Variants in ABCA3 observed in about 807,000 individuals in gnomAD.
The protein encoded by ABCA3 is ATP binding cassette subfamily A member 3.
ABCA3 carries 88 observed loss-of-function variants against 172.8 expected under a neutral mutation model. The ratio of observed to expected loss-of-function variants is 0.51; its 90% CI spans 0.43 to 0.61. The LOEUF (loss-of-function observed/expected upper bound fraction) is 0.61, where lower values mean the gene tolerates loss of function less well. Ranked by LOEUF, ABCA3 falls within the 20% of genes least tolerant of loss-of-function variation. ABCA3 has a pLI of 0.00. For synonymous variants in ABCA3, 1,066 were observed against 983.8 expected, an observed-to-expected ratio of 1.08 and a Z score of -1.56; for missense variants, 2,164 against 2,301.0, an observed-to-expected ratio of 0.94 and a Z score of 1.22.
In ABCA3 at chr16:2,326,061, C is replaced by T; in HGVS notation, c.268G>A (p.Ala90Thr). ...CGCACTGTCTCAGTGACGGTCTTGG[C>T]AGCGTCACTGTGAGAAGGGATGTAG... ...LAYIPSHSDA[A>T]KTVTETVRRA... Residue 90 changes from alanine (A) to threonine (T), a missense_variant, in exon 5 of 33, where the codon GCC becomes ACC. This residue lies in a region of ABCA3 where 1,343 missense variants were observed against 1,369.6 expected (regional missense o/e 0.98). Transcript: ENST00000301732. The T allele has an allele frequency of 1.9e-6, 3 of 1,614,074 alleles. No individual in the cohort carries two copies. Among genetic ancestry groups the T allele is most frequent in the Non-Finnish European group, 2.5e-6 (3 of 1,180,038 alleles).
intron 9 of ABCA3, 56 bp downstream of exon 9, chr16:2,317,592 C>T (rs1371356605): frequency 6.3e-7 from 1 of 1,597,922 alleles, no homozygotes; most frequent in Non-Finnish European, 8.6e-7. Flanking sequence ...GAGGGCCCTC[C>T]TGGGGTGCCC....
chr16:2,278,715 C>T lies in ABCA3; in HGVS notation c.4547+228G>A, dbSNP rs1444608593. ...CTGCCTGCACCTAAAGGGGACCTGC[C>T]GACCCTGACATCTCTCACTGCTGGC... On this transcript the variant is annotated intron_variant, in intron 29 of 32. Transcript: ENST00000301732. The surrounding 1 kb of genome is among the most constrained non-coding windows in gnomAD (Gnocchi z 4.4). Among the ~76,000 whole-genome samples the T allele has an allele frequency of 3.9e-5, 6 of 152,208 alleles. No individual in the cohort carries two copies. Among genetic ancestry groups the T allele is most frequent in the South Asian group, 2.1e-4 (1 of 4,838 alleles).
Position 2,276,691 on chromosome 16 carries a change from C to G in ABCA3, c.5098G>C (p.Ala1700Pro). Residue 1700 changes from alanine (A) to proline (P), a missense_variant, in exon 33 of 33, where the codon GCA (alanine) becomes CCA (proline). Ala to Pro is a conservative substitution (Grantham distance 27, BLOSUM62 -1). Around this residue, in one of 3 missense-constraint regions of ABCA3, gnomAD observed 795 missense variants for 881.9 expected, o/e 0.90. Coordinates refer to ENST00000301732, the MANE Select transcript of ABCA3 (RefSeq NM_001089.3). ...GCCACCCCTCATCGCCCCTCCTCTG[C>G]GGTGGGCGGCTGCAGGTGGGCGAAG... ...LSFAHLQPPT[A>P]EEGR The G allele has an allele frequency of 6.2e-7, 1 of 1,613,472 alleles. No individual in the cohort carries two copies. Among genetic ancestry groups the G allele is most frequent in the Non-Finnish European group, 8.5e-7 (1 of 1,180,042 alleles).
At position 2,297,907 on chromosome 16, in the gene ABCA3, T is replaced by A; in HGVS notation, c.1911A>T (p.Ser637=). 6.2e-7 allele frequency: 1 copy of A among 1,613,704 alleles called. No individual in the cohort carries two copies. Among genetic ancestry groups the A allele is most frequent in the East Asian group, 2.2e-5 (1 of 44,844 alleles). ...TGACTTCTTCAGGGCACTTCTGACG[T>A]GACAGGCCCTTCAGCTGCAACGACA... ...LYFYAQLKGL[S]RQKCPEEVKQ... is the part of the protein sequence containing the mutation. Residue 637 remains serine (S), a synonymous_variant, in exon 16 of 33, where the codon TCA becomes TCT. Coordinates refer to ENST00000301732, the MANE Select transcript of ABCA3 (RefSeq NM_001089.3). This position sits in a 1 kb window ranked among gnomAD's most constrained non-coding sequence, Gnocchi z 5.6.
At chr16:2,333,589 C>G (rs1269513125) in intron 1 of ABCA3, among the ~76,000 whole-genome samples, 1 of 151,356 alleles carries the variant, frequency 6.6e-6, no homozygotes, top group Non-Finnish European at 1.5e-5. Flanking sequence ...TTAGGGTATA[C>G]AAGACAAAAA....
intron 10 of ABCA3, among the ~76,000 whole-genome samples, chr16:2,310,448 C>T (rs958349061): frequency 2.0e-5 from 3 of 151,180 alleles, no homozygotes; most frequent in South Asian, 4.2e-4. Context: ...ACAAACAAAA[C>T]ACCCACACAC....
At chr16:2,280,904 G>T (rs1304505345) in intron 28 of ABCA3, 123 bp downstream of exon 28, 4 of 1,289,318 alleles carry the variant, frequency 3.1e-6, no homozygotes, top group Non-Finnish European at 4.4e-6. Context: ...GCATGTGCTG[G>T]GCCCATTTCA....
At chr16:2,282,335 G>A (rs2093656428) in intron 26 of ABCA3, among the ~76,000 whole-genome samples, 1 of 152,154 alleles carries the variant, frequency 6.6e-6, no homozygotes, top group African/African-American at 2.4e-5. Flanking sequence ...CTGGCTTCAG[G>A]TGATCCACCT....
In ABCA3 at chr16:2,283,477, A is replaced by C; in HGVS notation, c.3863-119T>G. 15 of 1,158,058 alleles carry C rather than the reference A, an allele frequency of 1.3e-5. No homozygotes were observed. Among genetic ancestry groups the C allele is most frequent in the African/African-American group, 3.1e-5 (2 of 64,746 alleles). 71.7% of individuals were successfully genotyped at this position (1,158,058 alleles called of 1,614,324 possible). On this transcript the variant is annotated intron_variant, in intron 25 of 32. Coordinates refer to ENST00000301732, the MANE Select transcript of ABCA3 (RefSeq NM_001089.3). This position sits in a 1 kb window ranked among gnomAD's most constrained non-coding sequence, Gnocchi z 5.4. Reference sequence around the variant, plus strand: ...AGGCGCCTGTAACAATGTCCCCTCCATGGGGAGATGTGAAGGCCAGTAGGT... The same window carrying C: ...AGGCGCCTGTAACAATGTCCCCTCCCTGGGGAGATGTGAAGGCCAGTAGGT...
rs1263339711 is a variant in ABCA3, at chr16:2,295,670, G to C, written c.2334C>G (p.His778Gln). The change falls in exon 18 of 33, where the codon CAC (histidine) becomes CAG (glutamine). Residue 778 changes from histidine (H) to glutamine (Q), a missense_variant. This residue lies in a region of ABCA3 where 1,343 missense variants were observed against 1,369.6 expected (regional missense o/e 0.98). Transcript: ENST00000301732. ...CCAGCGTGGCGTTGGGCACGTGGTGGTGGACCAGCTGGGAGATGTCTTCCG... is the reference window on the plus strand; with the variant it reads ...CCAGCGTGGCGTTGGGCACGTGGTGCTGGACCAGCTGGGAGATGTCTTCCG... Reference protein sequence around the residue: ...CNPEDISQLVHHHVPNATLES... With the variant: ...CNPEDISQLVQHHVPNATLES... 2 of 1,614,078 alleles carry C rather than the reference G, an allele frequency of 1.2e-6. No individual in the cohort carries two copies. Among genetic ancestry groups the C allele is most frequent in the African/African-American group, 1.3e-5 (1 of 75,076 alleles).
In ABCA3 at chr16:2,317,629, C is replaced by T. The variant is rs2141730292; in HGVS notation, c.990+19G>A. Reference sequence around the variant, plus strand: ...GGCTCTCCCCGTCCTCACCAGAGCCCCACCGACGCCATGCTCACCTTGACA... The same window carrying T: ...GGCTCTCCCCGTCCTCACCAGAGCCTCACCGACGCCATGCTCACCTTGACA... On this transcript the variant is annotated intron_variant, in intron 9 of 32. Transcript: ENST00000301732. 18 of 1,613,588 alleles carry T rather than the reference C, an allele frequency of 1.1e-5. No homozygotes were observed. The highest frequency in any genetic ancestry group is 1.5e-5 in the Non-Finnish European group (18 of 1,179,520).
rs1200535180 is a variant in ABCA3 at position 2,340,619 on chromosome 16, C to G, written c.-585G>C. 1.3e-5 allele frequency: 2 copies of G among 149,370 alleles called. No homozygotes were observed. Among genetic ancestry groups the G allele is most frequent in the African/African-American group, 4.9e-5 (2 of 41,166 alleles). The allele number at this position is 149,370 out of a possible 1,614,324, so 9.3% of individuals were successfully genotyped here. A position where few individuals can be genotyped will look rare whatever the true frequency, so the allele number is the denominator to read the frequency against. ...CGGCGGCCGGCGCGCGGCCCTCTCG[C>G]GGGGTCCCCTCCCTCGGCCACCCGG... On this transcript the variant is annotated 5_prime_UTR_variant, in exon 1 of 33. Transcript: ENST00000301732.
intron 12 of ABCA3, among the ~76,000 whole-genome samples, chr16:2,301,034 TC>T (rs1255559568): frequency 6.7e-6 from 1 of 149,130 alleles, no homozygotes; most frequent in Admixed American, 6.6e-5. Flanking sequence ...ATCGAGACCA[TC>T]CTGGCTAACA....
chr16:2,300,408 G>A (rs17135866), intron 12 of ABCA3, among the ~76,000 whole-genome samples: 14 of 151,968 alleles, frequency 9.2e-5, no homozygotes, highest in Admixed American at 3.3e-4. Context: ...ACTCAGATCC[G>A]ATACAGGGCA....
chr16:2,287,898 C>T lies in ABCA3; in HGVS notation c.3004+128G>A. ...AAGGTCAGGGATGCTGCTGAACCTC[C>T]CTCAGTACATTCGGAACAGCCAAGA... On this transcript the variant is annotated intron_variant, in intron 21 of 32. Coordinates refer to ENST00000301732, the MANE Select transcript of ABCA3 (RefSeq NM_001089.3). The surrounding 1 kb of genome is among the most constrained non-coding windows in gnomAD (Gnocchi z 4.1). 4.2e-6 allele frequency: 5 copies of T among 1,197,026 alleles called. No homozygotes were observed. The highest frequency in any genetic ancestry group is 1.5e-5 in the African/African-American group (1 of 67,180). 74.2% of individuals were successfully genotyped at this position (1,197,026 alleles called of 1,614,324 possible). A position where few individuals can be genotyped will look rare whatever the true frequency, so the allele number is the denominator to read the frequency against.
chr16:2,333,419 T>G (rs186084326), intron 1 of ABCA3, among the ~76,000 whole-genome samples: 1 of 152,266 alleles, frequency 6.6e-6, no homozygotes, highest in Non-Finnish European at 1.5e-5. Context: ...ACAGGTGTGG[T>G]GCTGGTCACA....
At chr16:2,307,308 C>T (rs1293447695) in intron 11 of ABCA3, among the ~76,000 whole-genome samples, 3 of 152,080 alleles carry the variant, frequency 2.0e-5, no homozygotes, top group African/African-American at 7.2e-5. Flanking sequence ...GTAATCCTAG[C>T]ACTTTCGGAG....
At chr16:2,302,608 T>C (rs2093691245) in intron 12 of ABCA3, among the ~76,000 whole-genome samples, 1 of 151,910 alleles carries the variant, frequency 6.6e-6, no homozygotes, top group African/African-American at 2.4e-5. Context: ...GCCTCTCAAG[T>C]AGCTGGGACC....
Position 2,297,500 on chromosome 16 carries a change from T to G in ABCA3, c.2092A>C (p.Ile698Leu), listed in dbSNP as rs375570191. The change falls in exon 17 of 33, where the codon ATC (isoleucine) becomes CTC (leucine). Residue 698 changes from isoleucine (I) to leucine (L), a missense_variant. Physicochemically the swap from Ile to Leu is conservative, Grantham distance 5. Coordinates refer to ENST00000301732, the MANE Select transcript of ABCA3 (RefSeq NM_001089.3). The surrounding 1 kb of genome is among the most constrained non-coding windows in gnomAD (Gnocchi z 5.6). ...AGATCCCAGATGGCCCTCCTGGAGA[T>G]GGCGTCCATGCCCGAGGTGGGCTCG... ...LDEPTSGMDA[I>L]SRRAIWDLLQ... is the part of the protein sequence containing the mutation. 7.4e-6 allele frequency: 12 copies of G among 1,613,186 alleles called. No homozygotes were observed. Among genetic ancestry groups the G allele is most frequent in the Non-Finnish European group, 1.0e-5 (12 of 1,180,000 alleles).
Sources: allele counts gnomAD v4.1 joint callset (sites outside exome capture counted in the v4.1 genomes callset), GRCh38; gene constraint gnomAD v4.1.1; regional missense constraint gnomAD v4.1.1; non-coding constraint Gnocchi (gnomAD v3.1); transcripts MANE v1.5; gene names NCBI Gene and HGNC (gene_info 2026-07-23, HGNC 2026-07-21).